The following OSBPL10 variants were observed in gnomAD, a reference collection of about 807,000 sequenced individuals.
OSBPL10 encodes oxysterol-binding protein-related protein 10.
OSBPL10 carries 49 observed loss-of-function variants against 81.7 expected under a neutral mutation model. The ratio of observed to expected loss-of-function variants is 0.60; its 90% CI spans 0.48 to 0.76. OSBPL10 has a LOEUF of 0.76. Among genes scored for constraint, OSBPL10 ranks in the 30% least tolerant of loss-of-function variants. OSBPL10 has a pLI of 0.00. For missense variants in OSBPL10, 923 were observed against 987.8 expected, an observed-to-expected ratio of 0.93 and a Z score of 0.88; for synonymous variants, 419 against 383.6, an observed-to-expected ratio of 1.09 and a Z score of -1.08.
intron 1 of OSBPL10, among the ~76,000 whole-genome samples, chr3:31,970,699 T>C (rs1007833900): frequency 6.6e-6 from 1 of 152,242 alleles, no homozygotes; most frequent in African/African-American, 2.4e-5. Flanking sequence ...TGTCTGATGC[T>C]TCGTGGACCC....
chr3:31,690,324 G>C (rs2125564564), intron 7 of OSBPL10, among the ~76,000 whole-genome samples: 1 of 152,190 alleles, frequency 6.6e-6, no homozygotes, highest in African/African-American at 2.4e-5. Flanking sequence ...TTCGCCTTCT[G>C]CCATGATTGT....
chr3:32,035,221 G>A (rs1699505959), intron 2 of OSBPL10, among the ~76,000 whole-genome samples: 1 of 152,074 alleles, frequency 6.6e-6, no homozygotes, highest in Non-Finnish European at 1.5e-5. Flanking sequence ...AAGAAAGAAA[G>A]AAAATGTACT....
intron 8 of OSBPL10, among the ~76,000 whole-genome samples, chr3:31,675,568 C>A (rs1700446949): frequency 6.6e-6 from 1 of 152,134 alleles, no homozygotes; most frequent in African/African-American, 2.4e-5. Context: ...GGCACACTGC[C>A]AAAATCCTGA....
At chr3:31,808,071 C>G (rs1219742969) in intron 4 of OSBPL10, among the ~76,000 whole-genome samples, 1 of 152,158 alleles carries the variant, frequency 6.6e-6, no homozygotes, top group East Asian at 1.9e-4. Flanking sequence ...AACTGAGCAG[C>G]TAGCTACAAT....
intron 3 of OSBPL10, among the ~76,000 whole-genome samples, chr3:31,864,494 C>T (rs1701129037): frequency 6.6e-6 from 1 of 152,142 alleles, no homozygotes; most frequent in Non-Finnish European, 1.5e-5. Context: ...CCTGCCTCAG[C>T]CTCCCAAAGT....
At chr3:31,762,850 G>A (rs73826892) in intron 4 of OSBPL10, among the ~76,000 whole-genome samples, 5,128 of 151,854 alleles carry the variant, frequency 0.034, 288 homozygotes, top group African/African-American at 0.12. Flanking sequence ...TTGCGGATGC[G>A]AGGTGTCAGG....
At chr3:31,876,608 G>C in intron 2 of OSBPL10, 96 bp from the exon 3 acceptor site, 1 of 1,013,120 alleles carries the variant, frequency 9.9e-7, no homozygotes, top group Non-Finnish European at 1.5e-6. Flanking sequence ...TGGGGAGCCT[G>C]GGGAGTGAGA....
At chr3:31,937,365 T>C (rs1240859803) in intron 1 of OSBPL10, among the ~76,000 whole-genome samples, 1 of 152,074 alleles carries the variant, frequency 6.6e-6, no homozygotes, top group Non-Finnish European at 1.5e-5. Context: ...CTTGGTTATA[T>C]GGATTTGCTA....
At position 31,733,379 on chromosome 3, in the gene OSBPL10, G is replaced by A. The variant is rs762811753; in HGVS notation, c.973C>T (p.His325Tyr). 1.4e-5 allele frequency: 23 copies of A among 1,614,074 alleles called. No individual in the cohort carries two copies. The highest frequency in any genetic ancestry group is 1.0e-4 in the Admixed American group (6 of 60,008). Residue 325 changes from histidine to tyrosine, a missense_variant, in exon 6 of 12, where the codon CAT becomes TAT. By Grantham distance (83) the His-to-Tyr change is moderately conservative. Transcript: ENST00000396556. ...NILGWHGSKS[H>Y]STEQLKNGTL... The stretch of plus-strand genomic sequence containing the variant: ...CCATTTTTCAGCTGCTCTGTGGAAT[G>A]TGACTTGGACCCGTGCCATCCCAGG...
intron 4 of OSBPL10, among the ~76,000 whole-genome samples, chr3:31,805,052 G>A (rs1699488355): frequency 6.6e-6 from 1 of 152,098 alleles, no homozygotes; most frequent in African/African-American, 2.4e-5. Context: ...TGTAAAAGGT[G>A]CTCAGGGTCT....
intron 4 of OSBPL10, among the ~76,000 whole-genome samples, chr3:31,821,523 A>G (rs1423132372): frequency 2.0e-5 from 3 of 152,154 alleles, no homozygotes; most frequent in Admixed American, 2.0e-4. Flanking sequence ...TTTTACTCAC[A>G]AACAACCCAC....
intron 1 of OSBPL10, among the ~76,000 whole-genome samples, chr3:31,956,143 T>A (rs1698000906): frequency 6.6e-6 from 1 of 152,198 alleles, no homozygotes; most frequent in Admixed American, 6.5e-5. Context: ...ATCTACTGTT[T>A]GTAACTAATA....
At chr3:31,753,434 C>T (rs1298242971) in intron 4 of OSBPL10, among the ~76,000 whole-genome samples, 1 of 152,060 alleles carries the variant, frequency 6.6e-6, no homozygotes, top group East Asian at 1.9e-4. Flanking sequence ...ATCTGCCCGC[C>T]GCAGCCTCAC....
upstream of OSBPL10, among the ~76,000 whole-genome samples, chr3:31,983,995 A>G (rs1040472478): frequency 6.6e-6 from 1 of 151,974 alleles, no homozygotes; most frequent in Admixed American, 6.6e-5. Context: ...ACTCAAATCA[A>G]TCTCCCTGAA....
intron 4 of OSBPL10, among the ~76,000 whole-genome samples, chr3:31,770,606 G>A (rs1698352010): frequency 6.6e-6 from 1 of 152,142 alleles, no homozygotes; most frequent in South Asian, 2.1e-4. Flanking sequence ...GACCAACATG[G>A]AGAAACCCCA....
intron 1 of OSBPL10, among the ~76,000 whole-genome samples, chr3:32,066,223 C>T (rs114887827): frequency 0.014 from 1,207 of 85,066 alleles, 235 homozygotes; most frequent in African/African-American, 0.035. Context: ...GAAGGACATC[C>T]CCCACCCTTG....
intron 1 of OSBPL10, among the ~76,000 whole-genome samples, chr3:31,946,273 C>T (rs4073765): frequency 0.24 from 36,313 of 151,852 alleles, 5,987 homozygotes; most frequent in African/African-American, 0.45. Flanking sequence ...AGCCACTGCA[C>T]CCAGCCACTA....
intron 1 of OSBPL10, among the ~76,000 whole-genome samples, chr3:31,915,385 G>T (rs1415604066): frequency 1.3e-5 from 2 of 151,992 alleles, no homozygotes; most frequent in East Asian, 3.9e-4. Context: ...TGGTGGACTG[G>T]ATATATAAAA....
At chr3:31,685,240 T>C (rs1700761770) in intron 7 of OSBPL10, among the ~76,000 whole-genome samples, 1 of 152,212 alleles carries the variant, frequency 6.6e-6, no homozygotes, top group Non-Finnish European at 1.5e-5. Flanking sequence ...TCACCTTCTG[T>C]CACCCAGGCT....
Sources: gnomAD v4.1 joint callset for allele counts (sites outside exome capture counted in the v4.1 genomes callset) on GRCh38, gnomAD v4.1.1 for gene constraint, MANE v1.5 for transcripts, NCBI Gene and HGNC (gene_info 2026-07-23, HGNC 2026-07-21) for gene names.